The following PPFIA2 variants were observed in gnomAD, a reference collection of about 807,000 sequenced individuals.
PPFIA2 encodes the protein liprin-alpha-2.
A neutral mutation model predicts 175.5 loss-of-function variants in PPFIA2; 46 were observed. The observed-to-expected ratio is 0.26, with a 90% CI of 0.21 to 0.34. The LOEUF is 0.34. Among genes scored for constraint, PPFIA2 ranks in the 10% least tolerant of loss-of-function variants. PPFIA2 has a pLI of 1.00. For synonymous variants in PPFIA2, 568 were observed against 511.4 expected (o/e 1.11, Z -1.49); for missense variants, 1,179 against 1,506.1 (o/e 0.78, Z 3.60).
At chr12:81,300,847 C>T (rs758284013) in intron 22 of PPFIA2, among the ~76,000 whole-genome samples, 5 of 152,030 alleles carry the variant, frequency 3.3e-5, no homozygotes, top group Non-Finnish European at 5.9e-5. Flanking sequence ...AAACAAATAA[C>T]CTATTAGGTA....
chr12:81,629,328 T>C (rs2063096669), intron 4 of PPFIA2, among the ~76,000 whole-genome samples: 1 of 152,208 alleles, frequency 6.6e-6, no homozygotes, highest in Non-Finnish European at 1.5e-5. Context: ...CCTTTAAGAT[T>C]AAAAATAACT....
intron 4 of PPFIA2, among the ~76,000 whole-genome samples, chr12:81,559,550 A>T (rs1484996901): frequency 6.6e-6 from 1 of 152,198 alleles, no homozygotes; most frequent in Non-Finnish European, 1.5e-5. Flanking sequence ...TTATAAGCAC[A>T]TTAAAAATTA....
chr12:81,675,223 T>C (rs28620969), intron 4 of PPFIA2, among the ~76,000 whole-genome samples: 189 of 49,106 alleles, frequency 3.8e-3, no homozygotes, highest in East Asian at 6.3e-3. Flanking sequence ...CACACACACA[T>C]ATATATATAG....
At chr12:81,726,075 G>T (rs1478678260) in intron 3 of PPFIA2, among the ~76,000 whole-genome samples, 1 of 151,096 alleles carries the variant, frequency 6.6e-6, no homozygotes, top group Non-Finnish European at 1.5e-5. Flanking sequence ...AACCAGAAGA[G>T]AACTTCCACC....
At chr12:81,694,830 G>T (rs2075704658) in intron 3 of PPFIA2, among the ~76,000 whole-genome samples, 1 of 152,184 alleles carries the variant, frequency 6.6e-6, no homozygotes, top group Non-Finnish European at 1.5e-5. Context: ...ACTTTGCAAA[G>T]ACACAGAAGT....
At chr12:81,330,280 T>C (rs1566189590) in intron 21 of PPFIA2, among the ~76,000 whole-genome samples, 1 of 152,298 alleles carries the variant, frequency 6.6e-6, no homozygotes, top group East Asian at 1.9e-4. Flanking sequence ...TTTATAGGTA[T>C]ATCTGTCTGG....
At chr12:81,466,906 T>C (rs1385552824) in intron 4 of PPFIA2, among the ~76,000 whole-genome samples, 3 of 147,284 alleles carry the variant, frequency 2.0e-5, no homozygotes, top group African/African-American at 4.9e-5. Flanking sequence ...ATATAATATA[T>C]AATAAATAAT....
At chr12:81,723,080 G>C (rs946078418) in intron 3 of PPFIA2, among the ~76,000 whole-genome samples, 1 of 151,048 alleles carries the variant, frequency 6.6e-6, no homozygotes, top group Non-Finnish European at 1.5e-5. Context: ...AAAGGCACAA[G>C]TGCACATATT....
At chr12:81,583,553 GA>G (rs2074734929) in intron 4 of PPFIA2, among the ~76,000 whole-genome samples, 2 of 151,824 alleles carry the variant, frequency 1.3e-5, no homozygotes, top group Non-Finnish European at 2.9e-5. Flanking sequence ...GGATGTTTAA[GA>G]TTTATTAAAA....
intron 4 of PPFIA2, among the ~76,000 whole-genome samples, chr12:81,647,059 A>G (rs2066209216): frequency 6.1e-5 from 2 of 33,000 alleles, no homozygotes; most frequent in African/African-American, 4.7e-4. Flanking sequence ...AACTGGTTAA[A>G]AAAAAAGGGG....
At chr12:81,435,516 G>T (rs1442424627) in intron 7 of PPFIA2, among the ~76,000 whole-genome samples, 1 of 152,042 alleles carries the variant, frequency 6.6e-6, no homozygotes, top group Non-Finnish European at 1.5e-5. Flanking sequence ...GATATTAGGA[G>T]GTGATAACTC....
chr12:81,352,006 G>A (rs2060098306), intron 17 of PPFIA2, among the ~76,000 whole-genome samples: 1 of 152,006 alleles, frequency 6.6e-6, no homozygotes, highest in Admixed American at 6.6e-5. Flanking sequence ...CCATTTAAAG[G>A]CATTAACTTT....
intron 4 of PPFIA2, among the ~76,000 whole-genome samples, chr12:81,507,638 C>T (rs1208130071): frequency 6.6e-6 from 1 of 152,176 alleles, no homozygotes; most frequent in African/African-American, 2.4e-5. Context: ...CACTAGCAAC[C>T]ATGCTGGTCT....
At chr12:81,296,132 T>C (rs914061248) in intron 23 of PPFIA2, among the ~76,000 whole-genome samples, 1 of 151,838 alleles carries the variant, frequency 6.6e-6, no homozygotes, top group African/African-American at 2.4e-5. Context: ...ATGGTGAAAC[T>C]CTGTCTCTAC....
At chr12:81,407,132 G>C (rs115791561) in intron 7 of PPFIA2, among the ~76,000 whole-genome samples, 14,705 of 152,142 alleles carry the variant, frequency 0.097, 887 homozygotes, top group Middle Eastern at 0.16. Context: ...TATCCACAAA[G>C]CAGCCAGGTA....
At chr12:81,663,579 G>C (rs1231860935) in intron 4 of PPFIA2, among the ~76,000 whole-genome samples, 1 of 152,168 alleles carries the variant, frequency 6.6e-6, no homozygotes, top group Non-Finnish European at 1.5e-5. Flanking sequence ...CTCATGGATA[G>C]GAAGAATCAA....
intron 4 of PPFIA2, among the ~76,000 whole-genome samples, chr12:81,491,043 G>A (rs1279885868): frequency 6.6e-6 from 1 of 151,868 alleles, no homozygotes; most frequent in Non-Finnish European, 1.5e-5. Context: ...CTGTGCAATT[G>A]TTTTCCTTCT....
intron 4 of PPFIA2, among the ~76,000 whole-genome samples, chr12:81,489,471 G>C (rs1318908049): frequency 6.6e-6 from 1 of 151,738 alleles, no homozygotes; most frequent in Non-Finnish European, 1.5e-5. Context: ...AAATAACACA[G>C]AGAAAAATCA....
chr12:81,303,476 C>T (rs1307990995), intron 22 of PPFIA2, among the ~76,000 whole-genome samples: 1 of 152,152 alleles, frequency 6.6e-6, no homozygotes, highest in Non-Finnish European at 1.5e-5. Flanking sequence ...AAGAAAAGTA[C>T]TAATTGCAAG....
Sources: allele counts gnomAD v4.1 joint callset (sites outside exome capture counted in the v4.1 genomes callset), GRCh38; gene constraint gnomAD v4.1.1; transcripts MANE v1.5; gene names NCBI Gene and HGNC (gene_info 2026-07-23, HGNC 2026-07-21).